ZNF91: variants seen among roughly 807,000 people sequenced by gnomAD.
ZNF91 encodes the protein zinc finger protein 91 (HPF7, HTF10).
A neutral mutation model predicts 12.6 loss-of-function variants in ZNF91; 7 were observed. That is an observed-to-expected ratio of 0.55 (90% CI 0.31 to 1.04). ZNF91 has a LOEUF of 1.04. Among genes scored for constraint, ZNF91 ranks in the 50% least tolerant of loss-of-function variants. The pLI is 0.05. For synonymous variants in ZNF91, 453 were observed against 462.6 expected (o/e 0.98, Z 0.27); for missense variants, 1,217 against 1,385.4 (o/e 0.88, Z 1.93).
chr19:23,323,709 CT>C (rs1316078908), intron 1 of ZNF91, among the ~76,000 whole-genome samples: 62 of 112,110 alleles, frequency 5.5e-4, no homozygotes, highest in African/African-American at 2.6e-3. Flanking sequence ...TCCTCTCCTC[CT>C]TCTTTTCTTC....
intron 1 of ZNF91, among the ~76,000 whole-genome samples, chr19:23,388,743 G>A (rs1182920527): frequency 6.6e-6 from 1 of 152,048 alleles, no homozygotes; most frequent in Non-Finnish European, 1.5e-5. Flanking sequence ...CATGGTGGTG[G>A]GCACCTGTAA....
chr19:23,369,634 A>T (rs553422323), intron 3 of ZNF91, among the ~76,000 whole-genome samples: 23 of 152,320 alleles, frequency 1.5e-4, no homozygotes, highest in Admixed American at 1.4e-3. Flanking sequence ...AAGTACACAC[A>T]GGAGACTCCA....
In ZNF91 at chr19:23,323,595, CCTT is replaced by C. The variant is rs565361348; in HGVS notation, n.117-14501_117-14499del. On this transcript the variant is annotated intron_variant and non_coding_transcript_variant, in intron 1 of 1. Transcript: ENST00000596528. ...CTTCTCTTCCTCCCATCCTCCTTTT[CCTT>C]CTTTTCCTCCTCCTTTTCTCTTCTC... is the stretch of plus-strand genomic sequence containing the variant. Among the ~76,000 whole-genome samples, 959 of 144,942 alleles carry C rather than the reference CCTT, an allele frequency of 6.6e-3. 7 individuals are homozygous for C. Among genetic ancestry groups the C allele is most frequent in the African/African-American group, 0.02 (773 of 38,278 alleles).
At chr19:23,310,507 T>G (rs1967453944) in intron 1 of ZNF91, 1 of 152,236 alleles carries the variant, frequency 6.6e-6, no homozygotes, top group East Asian at 1.9e-4. Context: ...TTGTGGCTCA[T>G]GTATATAGAA....
intron 1 of ZNF91, among the ~76,000 whole-genome samples, chr19:23,388,691 G>A (rs111803835): frequency 0.027 from 4,074 of 152,234 alleles, 150 homozygotes; most frequent in African/African-American, 0.087. Flanking sequence ...GGCCATTATG[G>A]TGAAACGCCA....
At chr19:23,343,410 C>T (rs1446321765) in intron 3 of ZNF91, among the ~76,000 whole-genome samples, 1 of 152,140 alleles carries the variant, frequency 6.6e-6, no homozygotes, top group Admixed American at 6.5e-5. Context: ...TGGGTTTTGT[C>T]CCCATGTATA....
intron 3 of ZNF91, among the ~76,000 whole-genome samples, chr19:23,351,407 T>A (rs892739938): frequency 1.3e-5 from 2 of 151,982 alleles, no homozygotes; most frequent in Non-Finnish European, 2.9e-5. Flanking sequence ...TGAGTATTAT[T>A]TGTGATATGT....
chr19:23,392,287 T>C (rs765523176), intron 1 of ZNF91, among the ~76,000 whole-genome samples: 1 of 150,834 alleles, frequency 6.6e-6, no homozygotes, highest in Non-Finnish European at 1.5e-5. Flanking sequence ...TCCCAGCTAT[T>C]TGGGAGGCTG....
chr19:23,313,197 A>T (rs1393891891), upstream of ZNF91, among the ~76,000 whole-genome samples: 1 of 152,232 alleles, frequency 6.6e-6, no homozygotes, highest in Non-Finnish European at 1.5e-5. Flanking sequence ...TGTAAATGTG[A>T]TATATGCCTC....
At chr19:23,310,412 C>T (rs1967453088) in intron 1 of ZNF91, 1 of 152,172 alleles carries the variant, frequency 6.6e-6, no homozygotes, top group South Asian at 2.1e-4. Context: ...ATCTAGCACA[C>T]CTGTGAGACT....
intron 3 of ZNF91, chr19:23,339,539 A>G (rs906724250): frequency 6.6e-6 from 1 of 152,228 alleles, no homozygotes; most frequent in Non-Finnish European, 1.5e-5. Context: ...TACTTAGACC[A>G]CAGTAGAATA....
chr19:23,393,943 T>C (rs1050998756), intron 1 of ZNF91, among the ~76,000 whole-genome samples: 1 of 152,126 alleles, frequency 6.6e-6, no homozygotes, highest in Non-Finnish European at 1.5e-5. Flanking sequence ...GAGGTTGTAG[T>C]GAGCCTAGTG....
downstream of ZNF91, among the ~76,000 whole-genome samples, chr19:23,336,156 T>C (rs2145876210): frequency 6.6e-6 from 1 of 152,364 alleles, no homozygotes; most frequent in East Asian, 1.9e-4. Context: ...ATATTAATTT[T>C]AACATAATGA....
At position 23,368,510 on chromosome 19, in the gene ZNF91, ATCTCTCTCTCTCTCTCTCTCTC is replaced by A. The variant is rs573590418; in HGVS notation, c.253+5210_253+5231del. On this transcript the variant is annotated intron_variant, in intron 3 of 3. Coordinates refer to ENST00000300619, the MANE Select transcript of ZNF91 (RefSeq NM_003430.4). ...AGCCTGGGTGACAGAGCGAAACTCC[ATCTCTCTCTCTCTCTCTCTCTC>A]TCTCTCTCTCTCTCTCTCTCTCTCT... is the stretch of plus-strand genomic sequence containing the variant. Among the ~76,000 whole-genome samples the A allele has an allele frequency of 4.5e-3, 421 of 94,322 alleles. 6 individuals are homozygous for A. Among genetic ancestry groups the A allele is most frequent in the African/African-American group, 0.015 (384 of 25,348 alleles). The allele number at this position is 94,322 out of a possible 152,430, so 61.9% of individuals were successfully genotyped here.
At chr19:23,369,813 C>T (rs1180444074) in intron 3 of ZNF91, among the ~76,000 whole-genome samples, 8 of 150,034 alleles carry the variant, frequency 5.3e-5, no homozygotes, top group South Asian at 2.2e-4. Context: ...GCAGCATGCT[C>T]GTTAAGAGTC....
intron 1 of ZNF91, chr19:23,384,688 G>A (rs1969818629): frequency 1.7e-6 from 1 of 585,780 alleles, no homozygotes; most frequent in Non-Finnish European, 3.1e-6. Flanking sequence ...TGACGTCTTT[G>A]GAGATATTTC....
intron 3 of ZNF91, among the ~76,000 whole-genome samples, chr19:23,371,728 G>A (rs890331265): frequency 1.3e-5 from 2 of 152,170 alleles, no homozygotes; most frequent in Non-Finnish European, 2.9e-5. Flanking sequence ...TAACTGTGCA[G>A]TCATGGAAGG....
At chr19:23,346,850 G>A (rs574921922) in intron 3 of ZNF91, among the ~76,000 whole-genome samples, 1 of 152,160 alleles carries the variant, frequency 6.6e-6, no homozygotes, top group South Asian at 2.1e-4. Flanking sequence ...CTAGCTCACC[G>A]CAGTTTCCTC....
chr19:23,366,089 T>G (rs1968999912), intron 3 of ZNF91, among the ~76,000 whole-genome samples: 1 of 152,172 alleles, frequency 6.6e-6, no homozygotes, highest in African/African-American at 2.4e-5. Context: ...TGGGTACACC[T>G]CCCAGACGGG....
Sources: allele counts gnomAD v4.1 joint callset (sites outside exome capture counted in the v4.1 genomes callset), GRCh38; gene constraint gnomAD v4.1.1; transcripts MANE v1.5; gene names NCBI Gene and HGNC (gene_info 2026-07-23, HGNC 2026-07-21).